Variants in DRC9 observed in about 807,000 individuals in gnomAD.
DRC9 encodes the protein dynein regulatory complex protein 9.
At chr3:197,953,384 A>G in the DRC9 span, 1 of 455,210 alleles carries the variant, frequency 2.2e-6, no homozygotes, top group Non-Finnish European at 4.4e-6. Context: ...CTTTAAAGGA[A>G]ATATATATAA....
chr3:197,932,324 C>CA, the DRC9 span: 4 of 1,595,898 alleles, frequency 2.5e-6, no homozygotes, highest in African/African-American at 2.7e-5. Context: ...AACAGACCAA[C>CA]AAAAAATGAG....
At chr3:197,945,565 C>T in the DRC9 span, 115 of 1,207,758 alleles carry the variant, frequency 9.5e-5, no homozygotes, top group Middle Eastern at 1.4e-3. Flanking sequence ...AGAAATTTAA[C>T]AGAAGGCATA....
At chr3:197,951,285 A>T in the DRC9 span, 1 of 1,614,090 alleles carries the variant, frequency 6.2e-7, no homozygotes, top group Non-Finnish European at 8.5e-7. Context: ...TGGGCAAGAG[A>T]TGCGCTTATG....
the DRC9 span, among the ~76,000 whole-genome samples, chr3:197,914,517 G>A: frequency 1.3e-4 from 20 of 152,282 alleles, no homozygotes; most frequent in East Asian, 2.3e-3. Flanking sequence ...GTGTGAAAAC[G>A]CTTTCTTTTT....
the DRC9 span, among the ~76,000 whole-genome samples, chr3:197,909,048 C>T: frequency 6.6e-6 from 1 of 152,258 alleles, no homozygotes; most frequent in Non-Finnish European, 1.5e-5. Context: ...GCCAAGGGAG[C>T]TTTAAAGTGA....
the DRC9 span, chr3:197,950,399 G>A: frequency 0.036 from 39,252 of 1,090,926 alleles, 823 homozygotes; most frequent in South Asian, 0.05. Flanking sequence ...TTGGTCCCCT[G>A]ACACCCGGAG....
the DRC9 span, among the ~76,000 whole-genome samples, chr3:197,949,052 C>A: frequency 6.6e-5 from 10 of 152,192 alleles, no homozygotes; most frequent in African/African-American, 2.2e-4. Flanking sequence ...TACTTCCCAT[C>A]TCAAAGTGGG....
the DRC9 span, among the ~76,000 whole-genome samples, chr3:197,923,294 C>T: frequency 2.0e-5 from 3 of 152,088 alleles, no homozygotes; most frequent in Non-Finnish European, 4.4e-5. Flanking sequence ...AATTTTTTTA[C>T]TTTTCCAGTT....
At chr3:197,897,702 A>G in the DRC9 span, among the ~76,000 whole-genome samples, 51 of 152,168 alleles carry the variant, frequency 3.4e-4, no homozygotes, top group Admixed American at 2.0e-3. Flanking sequence ...CACCCATGGA[A>G]TATTTACATA....
the DRC9 span, among the ~76,000 whole-genome samples, chr3:197,899,748 C>T: frequency 2.0e-5 from 3 of 152,086 alleles, no homozygotes; most frequent in African/African-American, 7.2e-5. Flanking sequence ...TAGTTCCCCC[C>T]ACCACCCAGA....
At chr3:197,890,092 C>A in the DRC9 span, among the ~76,000 whole-genome samples, 1 of 152,112 alleles carries the variant, frequency 6.6e-6, no homozygotes, top group Non-Finnish European at 1.5e-5. Context: ...CAAAAGCACT[C>A]GGCCAAAAAT....
the DRC9 span, chr3:197,955,903 A>T: frequency 1.3e-5 from 10 of 787,540 alleles, no homozygotes; most frequent in Non-Finnish European, 2.2e-5. Flanking sequence ...TTTTTGGAGT[A>T]CAAGGGGGTC....
the DRC9 span, among the ~76,000 whole-genome samples, chr3:197,909,852 G>A: frequency 6.6e-6 from 1 of 152,134 alleles, no homozygotes; most frequent in Admixed American, 6.5e-5. Context: ...AATTAGCCAG[G>A]TGTGGTGGCA....
chr3:197,916,973 G>T, the DRC9 span, among the ~76,000 whole-genome samples: 1 of 152,164 alleles, frequency 6.6e-6, no homozygotes, highest in Admixed American at 6.5e-5. Flanking sequence ...GCCATCCTGG[G>T]CCGCATGTGG....
chr3:197,949,454 G>A, the DRC9 span: 1 of 152,110 alleles, frequency 6.6e-6, no homozygotes, highest in Non-Finnish European at 1.5e-5. Context: ...TCATACCTCG[G>A]ATCCAAAAAG....
the DRC9 span, among the ~76,000 whole-genome samples, chr3:197,933,034 TATTATACATATATATAAAATAC>T: frequency 7.2e-6 from 1 of 139,646 alleles, no homozygotes; most frequent in African/African-American, 2.7e-5. Context: ...AAATATTATA[TATTATACATATATATAAAATAC>T]ATATATTATA....
the DRC9 span, among the ~76,000 whole-genome samples, chr3:197,916,628 T>C: frequency 3.9e-5 from 6 of 151,930 alleles, no homozygotes; most frequent in African/African-American, 1.5e-4. Context: ...CCCCAGGCTG[T>C]AGTGCAGTGT....
the DRC9 span, among the ~76,000 whole-genome samples, chr3:197,930,721 C>T: frequency 2.8e-4 from 35 of 126,914 alleles, no homozygotes; most frequent in African/African-American, 8.3e-4. Flanking sequence ...GGAGGCAGAG[C>T]GAGACTCAGT....
the DRC9 span, among the ~76,000 whole-genome samples, chr3:197,948,604 G>A: frequency 6.6e-6 from 1 of 152,200 alleles, no homozygotes; most frequent in African/African-American, 2.4e-5. Context: ...ATAGAACTTT[G>A]ACAAATCAAT....
Sources: gnomAD v4.1 joint callset for allele counts (sites outside exome capture counted in the v4.1 genomes callset) on GRCh38, gnomAD v4.1.1 for gene constraint, MANE v1.5 for transcripts, NCBI Gene and HGNC (gene_info 2026-07-23, HGNC 2026-07-21) for gene names.